Variants in FEZ1 observed in about 807,000 individuals in gnomAD.
FEZ1 encodes the protein fasciculation and elongation protein zeta-1.
Under a neutral mutation model 49.3 loss-of-function variants are expected in FEZ1, and 20 were observed. The observed-to-expected ratio is 0.41, with a 90% confidence interval of 0.29 to 0.59. FEZ1 has a LOEUF of 0.59. Among genes scored for constraint, FEZ1 ranks in the 20% least tolerant of loss-of-function variants. FEZ1 has a pLI of 0.36. For synonymous variants in FEZ1, 170 were observed against 180.9 expected (o/e 0.94, Z 0.48); for missense variants, 413 against 476.0 (o/e 0.87, Z 1.23).
In FEZ1 at chr11:125,464,545, G is replaced by A. The variant is rs567231887; in HGVS notation, c.412-975C>T. Among the ~76,000 whole-genome samples the A allele has an allele frequency of 1.3e-4, 20 of 152,242 alleles. No homozygotes were observed. The South Asian group carries it at 3.9e-3, about 30-fold the overall frequency. Reference sequence around the variant, plus strand: ...CACACCGATTGGCCCCTTCCCTGGGGCTTGTATTCTGCCTTTTCTAACAGG... The same window carrying A: ...CACACCGATTGGCCCCTTCCCTGGGACTTGTATTCTGCCTTTTCTAACAGG... On this transcript the variant is annotated intron_variant, in intron 3 of 9. Transcript: ENST00000278919.
intron 4 of FEZ1, among the ~76,000 whole-genome samples, 191 bp from the exon 5 acceptor site, chr11:125,460,857 A>T (rs567246136): frequency 3.9e-5 from 6 of 152,362 alleles, no homozygotes; most frequent in Admixed American, 2.6e-4. Flanking sequence ...TCTTTAATGT[A>T]AGGCACTCTT....
intron 6 of FEZ1, among the ~76,000 whole-genome samples, chr11:125,455,208 T>G (rs962338161): frequency 1.3e-5 from 2 of 151,884 alleles, no homozygotes; most frequent in Non-Finnish European, 2.9e-5. Flanking sequence ...CTGGCCAACA[T>G]GGTGAAACCC....
At chr11:125,492,989 TA>T (rs1957396143) in intron 1 of FEZ1, among the ~76,000 whole-genome samples, 1 of 146,152 alleles carries the variant, frequency 6.8e-6, no homozygotes, top group Non-Finnish European at 1.5e-5. Context: ...AAAAAAAAGT[TA>T]AAAATAATTC....
In FEZ1 at chr11:125,443,648, G is replaced by A. The variant is rs1352902774; in HGVS notation, c.*2447C>T. Among the ~76,000 whole-genome samples the A allele has an allele frequency of 2.0e-5, 3 of 152,180 alleles. No homozygotes were observed. The highest frequency in any genetic ancestry group is 6.5e-5 in the Admixed American group (1 of 15,272). ...TAACAAGCTTCTAAGTGCGGTCAGT[G>A]CTGCTGGCCTGGAAAGCACACTTTG... On this transcript the variant is annotated 3_prime_UTR_variant, in exon 10 of 10. Coordinates refer to ENST00000278919, the MANE Select transcript of FEZ1 (RefSeq NM_005103.5).
intron 2 of FEZ1, among the ~76,000 whole-genome samples, chr11:125,488,536 C>T (rs964898577): frequency 1.3e-5 from 2 of 152,022 alleles, no homozygotes; most frequent in Admixed American, 1.3e-4. Context: ...AAAAATTAGT[C>T]GGGCATGGTG....
At chr11:125,466,940 G>A (rs1221030274) in intron 3 of FEZ1, among the ~76,000 whole-genome samples, 1 of 151,574 alleles carries the variant, frequency 6.6e-6, no homozygotes, top group Admixed American at 6.6e-5. Context: ...GACATGAGTG[G>A]TTGCCCCCCT....
In FEZ1 at chr11:125,489,571, C is replaced by T. The variant is rs1266516752; in HGVS notation, c.207G>A (p.Lys69=). The change falls in exon 2 of 10, where the codon AAG becomes AAA. Residue 69 remains lysine, a synonymous_variant. Transcript: ENST00000278919. The surrounding 1 kb of genome is among the most constrained non-coding windows in gnomAD (Gnocchi z 4.2). Reference sequence around the variant, plus strand: ...TGTAGTTCCGAAAGCAGACATTGAGCTTCTCATCAAATTCATTTACGAGGT... The same window carrying T: ...TGTAGTTCCGAAAGCAGACATTGAGTTTCTCATCAAATTCATTTACGAGGT... The part of the protein sequence containing the change: ...MEDLVNEFDE[K]LNVCFRNYNA... 6.2e-7 allele frequency: 1 copy of T among 1,614,042 alleles called. No individual in the cohort carries two copies. The highest frequency in any genetic ancestry group is 1.1e-5 in the South Asian group (1 of 91,084).
chr11:125,444,385 A>G lies in FEZ1; in HGVS notation c.*1710T>C, dbSNP rs1416892797. Among the ~76,000 whole-genome samples, 1 of 152,204 alleles carries G rather than the reference A, an allele frequency of 6.6e-6. No homozygotes were observed. The highest frequency in any genetic ancestry group is 2.4e-5 in the African/African-American group (1 of 41,456). On this transcript the variant is annotated 3_prime_UTR_variant, in exon 10 of 10. Coordinates refer to ENST00000278919, the MANE Select transcript of FEZ1 (RefSeq NM_005103.5). ...CAGATCGCCTGAGGTCGGGAGTTCGAGACCAACCTGACCAACATGTAGAAA... is the reference window on the plus strand; with the variant it reads ...CAGATCGCCTGAGGTCGGGAGTTCGGGACCAACCTGACCAACATGTAGAAA...
chr11:125,488,457 A>G (rs554952), intron 2 of FEZ1, among the ~76,000 whole-genome samples: 28,794 of 152,048 alleles, frequency 0.19, 2,851 homozygotes, highest in African/African-American at 0.22. Context: ...AAGGCGGGCA[A>G]ATCACCAGGT....
chr11:125,473,818 C>CA (rs141159400), intron 3 of FEZ1, among the ~76,000 whole-genome samples: 1,453 of 101,914 alleles, frequency 0.014, 38 homozygotes, highest in Admixed American at 0.075. Context: ...GACTCCATTT[C>CA]AAAAAAAAAA....
rs573851123 is a variant in FEZ1 at position 125,444,508 on chromosome 11, G to T, written c.*1587C>A. 3.3e-5 allele frequency among the ~76,000 whole-genome samples: 5 copies of T among 152,058 alleles called. No individual in the cohort carries two copies. Among genetic ancestry groups the T allele is most frequent in the African/African-American group, 1.2e-4 (5 of 41,406 alleles). On this transcript the variant is annotated 3_prime_UTR_variant, in exon 10 of 10. Coordinates refer to ENST00000278919, the MANE Select transcript of FEZ1 (RefSeq NM_005103.5). The stretch of plus-strand genomic sequence containing the variant: ...GCTGAGGCAGGAGAATCACTTGAAC[G>T]TGGGAGGCGGAGTTTGCGGCGAGCT...
chr11:125,453,891 G>C (rs1399877835), intron 7 of FEZ1: 3 of 355,070 alleles, frequency 8.4e-6, no homozygotes, highest in Non-Finnish European at 1.4e-5. Flanking sequence ...GCAGTGTTGA[G>C]TTTTAAGTCT....
Position 125,495,410 on chromosome 11 carries a change from G to C in FEZ1, c.-46+711C>G. On this transcript the variant is annotated intron_variant, in intron 1 of 9. Coordinates refer to ENST00000278919, the MANE Select transcript of FEZ1 (RefSeq NM_005103.5). The surrounding 1 kb of genome is among the most constrained non-coding windows in gnomAD (Gnocchi z 4.2). ...TACCTCCTCGACGCCGTCAAACACT[G>C]CTCCCCGCATTCCAGAGCCCGGGGC... 1 of 470,822 alleles carries C rather than the reference G, an allele frequency of 2.1e-6. No individual in the cohort carries two copies. The highest frequency in any genetic ancestry group is 4.4e-6 in the Non-Finnish European group (1 of 226,898). The allele number at this position is 470,822 out of a possible 1,614,324, so 29.2% of individuals were successfully genotyped here. A position where few individuals can be genotyped will look rare whatever the true frequency, so the allele number is the denominator to read the frequency against.
chr11:125,451,058 A>G (rs1304110463), intron 8 of FEZ1, among the ~76,000 whole-genome samples: 1 of 152,256 alleles, frequency 6.6e-6, no homozygotes, highest in African/African-American at 2.4e-5. Flanking sequence ...GGTATCTGCA[A>G]CAAATTAATA....
At chr11:125,463,422 T>C in intron 4 of FEZ1, 62 bp downstream of exon 4, 1 of 954,122 alleles carries the variant, frequency 1.0e-6, no homozygotes, top group South Asian at 1.3e-5. Context: ...AAGTGTGTTC[T>C]CTTGGACTTT....
intron 2 of FEZ1, among the ~76,000 whole-genome samples, chr11:125,484,707 G>T (rs1436361981): frequency 6.6e-6 from 1 of 151,932 alleles, no homozygotes; most frequent in Non-Finnish European, 1.5e-5. Flanking sequence ...AAAAGAAACT[G>T]GCTCTGCGTG....
chr11:125,473,378 G>A (rs1465357876), intron 3 of FEZ1, among the ~76,000 whole-genome samples: 1 of 152,196 alleles, frequency 6.6e-6, no homozygotes, highest in African/African-American at 2.4e-5. Flanking sequence ...CAGCACTGTG[G>A]AGTGCCTCGG....
intron 3 of FEZ1, among the ~76,000 whole-genome samples, chr11:125,467,285 C>A (rs1363207540): frequency 2.0e-5 from 3 of 152,090 alleles, no homozygotes; most frequent in Admixed American, 1.3e-4. Context: ...CTCAAGCAAT[C>A]CTCCCACCTC....
At chr11:125,467,203 T>A (rs2135757832) in intron 3 of FEZ1, among the ~76,000 whole-genome samples, 1 of 151,880 alleles carries the variant, frequency 6.6e-6, no homozygotes, top group African/African-American at 2.4e-5. Context: ...CTGACTAAGA[T>A]TTTTTTTGTT....
Sources: allele counts gnomAD v4.1 joint callset (sites outside exome capture counted in the v4.1 genomes callset), GRCh38; gene constraint gnomAD v4.1.1; non-coding constraint Gnocchi (gnomAD v3.1); transcripts MANE v1.5; gene names NCBI Gene and HGNC (gene_info 2026-07-23, HGNC 2026-07-21).